Variants in MTOR observed in about 807,000 individuals in gnomAD.
MTOR encodes the protein serine/threonine-protein kinase mTOR.
In MTOR, 70 loss-of-function variants were observed where a neutral mutation model predicts 319.8. The observed-to-expected ratio is 0.22, with a 90% CI of 0.18 to 0.27. The LOEUF is 0.27. Among genes scored for constraint, MTOR ranks in the 10% least tolerant of loss-of-function variants. The pLI is 1.00. For synonymous variants in MTOR, 1,183 were observed against 1,211.4 expected (o/e 0.98, Z 0.49); for missense variants, 1,890 against 3,274.4 (o/e 0.58, Z 10.32).
intron 6 of MTOR, 127 bp downstream of exon 6, chr1:11,253,712 C>G (rs973586357): frequency 4.6e-5 from 49 of 1,067,130 alleles, no homozygotes; most frequent in Non-Finnish European, 6.3e-5. Flanking sequence ...CTGAAATTAT[C>G]TTATTTACTT....
intron 49 of MTOR, among the ~76,000 whole-genome samples, chr1:11,120,375 C>T (rs1385858425): frequency 6.6e-6 from 1 of 152,048 alleles, no homozygotes; most frequent in Non-Finnish European, 1.5e-5. Context: ...CCTGTCTCTA[C>T]TAAGAATACA....
At chr1:11,156,392 T>C (rs1293282562) in intron 30 of MTOR, among the ~76,000 whole-genome samples, 1 of 152,240 alleles carries the variant, frequency 6.6e-6, no homozygotes, top group East Asian at 1.9e-4. Flanking sequence ...GGAAACAGAA[T>C]GGAGGCCATT....
At chr1:11,222,323 C>T (rs1341497299) in intron 19 of MTOR, among the ~76,000 whole-genome samples, 3 of 151,830 alleles carry the variant, frequency 2.0e-5, no homozygotes, top group Admixed American at 1.3e-4. Flanking sequence ...CAGCCTCCCA[C>T]GTAGCTGGGA....
intron 28 of MTOR, chr1:11,194,407 C>T: frequency 1.3e-6 from 2 of 1,556,464 alleles, no homozygotes; most frequent in East Asian, 4.5e-5. Context: ...GGTATAGAGA[C>T]AGCATGAAAT....
At chr1:11,192,309 A>G in intron 28 of MTOR, 3 of 1,614,050 alleles carry the variant, frequency 1.9e-6, no homozygotes, top group Non-Finnish European at 2.5e-6. Flanking sequence ...CAGAAGAACT[A>G]CCGCATCTCT....
In MTOR at chr1:11,121,902, A is replaced by G. The variant is rs1304572782; in HGVS notation, c.6810+77T>C. On this transcript the variant is annotated intron_variant, in intron 48 of 57. Coordinates refer to ENST00000361445, the MANE Select transcript of MTOR (RefSeq NM_004958.4). The surrounding 1 kb of genome is among the most constrained non-coding windows in gnomAD (Gnocchi z 4.9). ...AGATTTTTCAGTGACAGACATACAG[A>G]GAGGAATGAGAAAAGCAGCGCTACG... The G allele has an allele frequency of 1.3e-6, 2 of 1,557,512 alleles. No individual in the cohort carries two copies. The highest frequency in any genetic ancestry group is 8.7e-7 in the Non-Finnish European group (1 of 1,143,916).
rs1204911119 is a variant in MTOR at position 11,199,969 on chromosome 1, G to A, written c.3945-266C>T. Among the ~76,000 whole-genome samples, 1 of 152,158 alleles carries A rather than the reference G, an allele frequency of 6.6e-6. No individual in the cohort carries two copies. The highest frequency in any genetic ancestry group is 6.5e-5 in the Admixed American group (1 of 15,284). ...TAACCACATATGGCTAGTGTCTACT[G>A]AATTTTACACTGCAGGTACAGACAT... On this transcript the variant is annotated intron_variant, in intron 26 of 57. Coordinates refer to ENST00000361445, the MANE Select transcript of MTOR (RefSeq NM_004958.4). The surrounding 1 kb of genome is among the most constrained non-coding windows in gnomAD (Gnocchi z 4.5).
chr1:11,166,064 C>T (rs1644634134), intron 29 of MTOR, among the ~76,000 whole-genome samples: 1 of 152,172 alleles, frequency 6.6e-6, no homozygotes, highest in South Asian at 2.1e-4. Context: ...AAACTGGATC[C>T]CTTCCTTACA....
chr1:11,247,515 C>T, intron 8 of MTOR, 110 bp downstream of exon 8: 1 of 895,188 alleles, frequency 1.1e-6, no homozygotes, highest in Non-Finnish European at 1.8e-6. Context: ...ACAAAGAAAT[C>T]AGAGATTTGT....
At chr1:11,207,401 C>G (rs533973241) in intron 25 of MTOR, among the ~76,000 whole-genome samples, 1 of 141,490 alleles carries the variant, frequency 7.1e-6, no homozygotes, top group East Asian at 2.2e-4. Context: ...GCACCTGGCC[C>G]CCTACCTCTT....
rs201817191 is a variant in MTOR at position 11,204,039 on chromosome 1, CGA to C, written c.3944+520_3944+521del. On this transcript the variant is annotated intron_variant, in intron 26 of 57. Transcript: ENST00000361445. The stretch of plus-strand genomic sequence containing the variant: ...CCCCAGCCAGAGCTGGGTTCCTAGT[CGA>C]GAGTCACCTGCACTTTGCCAGACAC... Among the ~76,000 whole-genome samples, 1,289 of 152,288 alleles carry C rather than the reference CGA, an allele frequency of 8.5e-3. 13 individuals are homozygous for C. The highest frequency in any genetic ancestry group is 0.029 in the African/African-American group (1,206 of 41,558).
In MTOR at chr1:11,247,181, G is replaced by A. The variant is rs1287165374; in HGVS notation, c.1225+444C>T. Among the ~76,000 whole-genome samples the A allele has an allele frequency of 2.0e-5, 3 of 152,168 alleles. No individual in the cohort carries two copies. The East Asian group carries it at 5.8e-4, about 29-fold the overall frequency. On this transcript the variant is annotated intron_variant, in intron 8 of 57. Coordinates refer to ENST00000361445, the MANE Select transcript of MTOR (RefSeq NM_004958.4). Reference sequence around the variant, plus strand: ...TCTAGGAAGGCTTCGTTGAGAAGTTGGACTCTGAGTTGGGGCAGCTTCAGG... The same window carrying A: ...TCTAGGAAGGCTTCGTTGAGAAGTTAGACTCTGAGTTGGGGCAGCTTCAGG...
At chr1:11,216,834 C>G (rs1362598695) in intron 19 of MTOR, among the ~76,000 whole-genome samples, 1 of 152,088 alleles carries the variant, frequency 6.6e-6, no homozygotes, top group Admixed American at 6.5e-5. Context: ...TAATACTTAC[C>G]TCATAGACTT....
Position 11,238,527 on chromosome 1 carries a change from C to G in MTOR, c.1877G>C (p.Cys626Ser), listed in dbSNP as rs2100901423. 6.2e-7 allele frequency: 1 copy of G among 1,614,208 alleles called. No individual in the cohort carries two copies. The highest frequency in any genetic ancestry group is 8.5e-7 in the Non-Finnish European group (1 of 1,180,032). ...KEIRMEAART[C>S]SRLLTPSIHL... ...GATGGAGGGTGTGAGCAGGCGGGAG[C>G]AGGTGCGGGCAGCCTCCATGCGGAT... The change falls in exon 12 of 58, where the codon TGC becomes TCC. Residue 626 changes from cysteine (C) to serine (S), a missense_variant. This residue lies in a region of MTOR where 418 missense variants were observed against 543.1 expected (regional missense o/e 0.77). Coordinates refer to ENST00000361445, the MANE Select transcript of MTOR (RefSeq NM_004958.4).
At chr1:11,174,830 G>C (rs1041712248) in intron 28 of MTOR, among the ~76,000 whole-genome samples, 1 of 152,136 alleles carries the variant, frequency 6.6e-6, no homozygotes, top group Non-Finnish European at 1.5e-5. Flanking sequence ...TAATGCTGCA[G>C]GCTTATAAAG....
At chr1:11,238,085 G>C in intron 12 of MTOR, 37 bp from the exon 13 acceptor site, 1 of 1,599,550 alleles carries the variant, frequency 6.3e-7, no homozygotes, top group Non-Finnish European at 8.6e-7. Flanking sequence ...ATTTCCTCAT[G>C]ATCCCATCAC....
At position 11,231,446 on chromosome 1, in the gene MTOR, C is replaced by A. The variant is rs755790408; in HGVS notation, c.2515-12G>T. ...GTCCACAGAGCCACCTGGATAGGCA[C>A]AAGAACACGATTCAATGAGCCAGTA... On this transcript the variant is annotated splice_polypyrimidine_tract_variant and intron_variant, in intron 16 of 57. Transcript: ENST00000361445. 2 of 1,613,338 alleles carry A rather than the reference C, an allele frequency of 1.2e-6. No homozygotes were observed. The highest frequency in any genetic ancestry group is 2.7e-5 in the African/African-American group (2 of 74,864).
chr1:11,114,739 A>T, intron 52 of MTOR, 74 bp downstream of exon 52: 1 of 1,448,778 alleles, frequency 6.9e-7, no homozygotes, highest in Non-Finnish European at 9.7e-7. Flanking sequence ...GATGGGCTCT[A>T]ACAAGCGTGT....
At chr1:11,246,184 G>C (rs535605933) in intron 8 of MTOR, among the ~76,000 whole-genome samples, 2 of 152,290 alleles carry the variant, frequency 1.3e-5, no homozygotes, top group South Asian at 2.1e-4. Context: ...CCTTAAAAAA[G>C]AGAGCAACAA....
Sources: allele counts gnomAD v4.1 joint callset (sites outside exome capture counted in the v4.1 genomes callset), GRCh38; gene constraint gnomAD v4.1.1; regional missense constraint gnomAD v4.1.1; non-coding constraint Gnocchi (gnomAD v3.1); transcripts MANE v1.5; gene names NCBI Gene and HGNC (gene_info 2026-07-23, HGNC 2026-07-21).